SEC22A: variants seen among roughly 807,000 people sequenced by gnomAD.
The protein encoded by SEC22A is vesicle-trafficking protein SEC22a.
SEC22A carries 22 observed loss-of-function variants against 35.3 expected under a neutral mutation model. That is an observed-to-expected ratio of 0.62 (90% CI 0.45 to 0.89). The LOEUF is 0.89. Ranked by LOEUF, SEC22A falls within the 40% of genes least tolerant of loss-of-function variation. SEC22A has a pLI of 0.00. For synonymous variants in SEC22A, 119 were observed against 129.5 expected (o/e 0.92, Z 0.55); for missense variants, 354 against 362.5 (o/e 0.98, Z 0.19).
intron 5 of SEC22A, among the ~76,000 whole-genome samples, chr3:123,249,159 G>A (rs927264337): frequency 1.3e-5 from 2 of 152,130 alleles, no homozygotes; most frequent in African/African-American, 4.8e-5. Context: ...ATAGGGGAAG[G>A]TCTGAAAGAG....
At chr3:123,235,972 T>G (rs1228805911) in intron 4 of SEC22A, among the ~76,000 whole-genome samples, 1 of 152,182 alleles carries the variant, frequency 6.6e-6, no homozygotes, top group African/African-American at 2.4e-5. Flanking sequence ...AATCATTCTC[T>G]TTATATGGAA....
chr3:123,249,814 T>C (rs1313907868), intron 5 of SEC22A, among the ~76,000 whole-genome samples: 3 of 151,900 alleles, frequency 2.0e-5, no homozygotes, highest in Non-Finnish European at 2.9e-5. Flanking sequence ...GTGAGCCACC[T>C]CGCCCAGCCT....
chr3:123,264,966 ATTCT>A (rs1174394517), intron 6 of SEC22A, among the ~76,000 whole-genome samples: 1 of 151,500 alleles, frequency 6.6e-6, no homozygotes, highest in African/African-American at 2.4e-5. Flanking sequence ...TTCTAATTGG[ATTCT>A]TTGTTTTTTC....
rs563341393 is a variant in SEC22A, at chr3:123,220,867, C to CATAT, written c.183-2682_183-2679dup. ...CTAGGATGGTCTTTAAAAAAGGTCT[C>CATAT]ATATATATATATACATATATATATA... is the stretch of plus-strand genomic sequence containing the variant. On this transcript the variant is annotated intron_variant, in intron 2 of 6. Transcript: ENST00000492595. Among the ~76,000 whole-genome samples, 703 of 97,514 alleles carry CATAT rather than the reference C, an allele frequency of 7.2e-3. 36 individuals carry two copies. Among genetic ancestry groups the CATAT allele is most frequent in the African/African-American group, 0.015 (418 of 27,576 alleles). The allele number at this position is 97,514 out of a possible 152,430, so 64.0% of individuals were successfully genotyped here. A position where few individuals can be genotyped will look rare whatever the true frequency, so the allele number is the denominator to read the frequency against.
At chr3:123,234,187 A>C (rs1267548961) in intron 4 of SEC22A, among the ~76,000 whole-genome samples, 1 of 152,264 alleles carries the variant, frequency 6.6e-6, no homozygotes, top group East Asian at 1.9e-4. Context: ...TATTATTTAC[A>C]TGGTTGTACT....
chr3:123,229,829 T>C (rs1937283836), intron 4 of SEC22A, among the ~76,000 whole-genome samples: 1 of 151,052 alleles, frequency 6.6e-6, no homozygotes, highest in South Asian at 2.1e-4. Context: ...GCCACTGTGC[T>C]CCAGCCTGGG....
chr3:123,211,549 C>G (rs1936939586), intron 2 of SEC22A, among the ~76,000 whole-genome samples: 1 of 152,120 alleles, frequency 6.6e-6, no homozygotes, highest in Non-Finnish European at 1.5e-5. Context: ...GCCTCAACCT[C>G]TTGGACTCAA....
intron 5 of SEC22A, among the ~76,000 whole-genome samples, chr3:123,251,762 A>G (rs1352838584): frequency 6.6e-6 from 1 of 152,124 alleles, no homozygotes; most frequent in African/African-American, 2.4e-5. Context: ...AGAAACTCCC[A>G]TTGTTCCAGT....
intron 6 of SEC22A, among the ~76,000 whole-genome samples, chr3:123,264,653 G>A (rs1169247169): frequency 6.9e-6 from 1 of 145,894 alleles, no homozygotes; most frequent in Non-Finnish European, 1.5e-5. Context: ...AATTTGTGAC[G>A]AGTCTTGCTC....
At chr3:123,243,319 G>A (rs1317469010) in intron 4 of SEC22A, among the ~76,000 whole-genome samples, 3 of 152,192 alleles carry the variant, frequency 2.0e-5, no homozygotes, top group Admixed American at 6.5e-5. Context: ...TTGTTGGAAG[G>A]ATACAGTGAG....
intron 4 of SEC22A, among the ~76,000 whole-genome samples, chr3:123,231,390 C>T (rs1402714088): frequency 1.3e-5 from 2 of 152,130 alleles, no homozygotes; most frequent in Non-Finnish European, 2.9e-5. Flanking sequence ...AACTATTCTC[C>T]AGGATAGACC....
chr3:123,211,815 C>G lies in SEC22A; in HGVS notation c.182+2416C>G, dbSNP rs185164667. ...AAGCACAGTGGCTCACACCTGTAAT[C>G]TCAGCACTTTGAGAGGCCGAGGCAG... On this transcript the variant is annotated intron_variant, in intron 2 of 6. Transcript: ENST00000492595. Among the ~76,000 whole-genome samples, 18 of 152,192 alleles carry G rather than the reference C, an allele frequency of 1.2e-4. No individual in the cohort carries two copies. The East Asian group carries it at 3.1e-3, about 26-fold the overall frequency.
chr3:123,209,789 A>G (rs753239811), intron 2 of SEC22A, among the ~76,000 whole-genome samples: 1 of 152,216 alleles, frequency 6.6e-6, no homozygotes, highest in Non-Finnish European at 1.5e-5. Flanking sequence ...ACTGAGTCAC[A>G]TACAAATCAA....
intron 2 of SEC22A, among the ~76,000 whole-genome samples, chr3:123,216,870 C>T (rs1025675947): frequency 6.6e-6 from 1 of 152,070 alleles, no homozygotes; most frequent in African/African-American, 2.4e-5. Flanking sequence ...GCTCTGTTGC[C>T]CAGGCAGGAG....
At chr3:123,232,945 C>A (rs944037909) in intron 4 of SEC22A, among the ~76,000 whole-genome samples, 28 of 152,054 alleles carry the variant, frequency 1.8e-4, no homozygotes, top group African/African-American at 6.5e-4. Flanking sequence ...CCAGCCTGGA[C>A]AACATAGGCA....
intron 2 of SEC22A, among the ~76,000 whole-genome samples, chr3:123,214,682 G>A (rs545111729): frequency 6.6e-6 from 1 of 152,156 alleles, no homozygotes; most frequent in Non-Finnish European, 1.5e-5. Flanking sequence ...ATTAGGTTGG[G>A]TCATCTGAGA....
intron 4 of SEC22A, among the ~76,000 whole-genome samples, chr3:123,229,977 TA>T (rs1191819646): frequency 1.3e-5 from 2 of 152,024 alleles, no homozygotes; most frequent in African/African-American, 4.8e-5. Flanking sequence ...TAAATGTAAT[TA>T]AGTAATTAAA....
chr3:123,210,633 A>G (rs1027902649), intron 2 of SEC22A, among the ~76,000 whole-genome samples: 1 of 152,220 alleles, frequency 6.6e-6, no homozygotes, highest in African/African-American at 2.4e-5. Context: ...TTGTGATTAA[A>G]ACCATGGGAA....
chr3:123,209,516 T>C (rs1219539903), intron 2 of SEC22A, 117 bp downstream of exon 2: 1 of 781,634 alleles, frequency 1.3e-6, no homozygotes, highest in African/African-American at 1.7e-5. Flanking sequence ...TCGAGCATCA[T>C]ATTGTTCTGA....
Sources: allele counts gnomAD v4.1 joint callset (sites outside exome capture counted in the v4.1 genomes callset), GRCh38; gene constraint gnomAD v4.1.1; transcripts MANE v1.5; gene names NCBI Gene and HGNC (gene_info 2026-07-23, HGNC 2026-07-21).